Variants in SLCO3A1 observed in about 807,000 individuals in gnomAD.
SLCO3A1 encodes the protein PGE1 transporter.
A neutral mutation model predicts 63.1 loss-of-function variants in SLCO3A1; 27 were observed. The ratio of observed to expected loss-of-function variants is 0.43; its 90% CI spans 0.32 to 0.59. The LOEUF is 0.59. Ranked by LOEUF, SLCO3A1 falls within the 20% of genes least tolerant of loss-of-function variation. The probability of loss-of-function intolerance (pLI) is 0.09; values close to 1 mark genes in which losing one functional copy is unlikely to be tolerated. For missense variants in SLCO3A1, 773 were observed against 945.8 expected (o/e 0.82, Z 2.40); for synonymous variants, 473 against 409.9 (o/e 1.15, Z -1.86).
At chr15:91,889,069 T>A in intron 1 of SLCO3A1, 4 of 762,594 alleles carry the variant, frequency 5.2e-6, no homozygotes, top group South Asian at 2.3e-5. Flanking sequence ...CTAGCTAACA[T>A]ATAGCTAACA....
At chr15:91,899,285 A>T (rs1898091172) in intron 1 of SLCO3A1, among the ~76,000 whole-genome samples, 1 of 152,100 alleles carries the variant, frequency 6.6e-6, no homozygotes, top group Admixed American at 6.5e-5. Flanking sequence ...GGATGGGGCT[A>T]TTTTGCAGGC....
rs2048470144 is a variant in SLCO3A1 at position 92,163,797 on chromosome 15, T to C, written c.*662T>C. Reference sequence around the variant, plus strand: ...GCTAATGGGTGATCCGTGCTGGAGTTTGTAATTGGCACCTCTCACCAGCTC... The same window carrying C: ...GCTAATGGGTGATCCGTGCTGGAGTCTGTAATTGGCACCTCTCACCAGCTC... On this transcript the variant is annotated 3_prime_UTR_variant, in exon 10 of 10. Transcript: ENST00000318445. 3 of 985,294 alleles carry C rather than the reference T, an allele frequency of 3.0e-6. No homozygotes were observed. Among genetic ancestry groups the C allele is most frequent in the South Asian group, 4.7e-5 (1 of 21,284 alleles). The allele number at this position is 985,294 out of a possible 1,614,324, so 61.0% of individuals were successfully genotyped here. A position where few individuals can be genotyped will look rare whatever the true frequency, so the allele number is the denominator to read the frequency against.
Position 91,926,596 on chromosome 15 carries a change from T to TGTGTGTGTGTGTGTGTGCGC in SLCO3A1, c.646+10139_646+10140insTGTGTGTGTGTGTGTGCGCG. On this transcript the variant is annotated intron_variant, in intron 2 of 9. Transcript: ENST00000318445. ...GTGTGTGTGTGTGTGTGTGTGTGTG[T>TGTGTGTGTGTGTGTGTGCGC]GCGCGCGCGCACGCCCATGCTTATT... 3.4e-3 allele frequency among the ~76,000 whole-genome samples: 360 copies of TGTGTGTGTGTGTGTGTGCGC among 105,270 alleles called. 4 individuals are homozygous for TGTGTGTGTGTGTGTGTGCGC. The highest frequency in any genetic ancestry group is 0.011 in the African/African-American group (309 of 27,362). 69.1% of individuals were successfully genotyped at this position (105,270 alleles called of 152,430 possible).
Position 91,916,256 on chromosome 15 carries a change from C to G in SLCO3A1, c.444C>G (p.Asp148Glu), listed in dbSNP as rs765930229. The change falls in exon 2 of 10, where the codon GAC becomes GAG. Residue 148 changes from aspartate (D) to glutamate (E), a missense_variant. Asp to Glu is a conservative substitution (Grantham distance 45). Coordinates refer to ENST00000318445, the MANE Select transcript of SLCO3A1 (RefSeq NM_013272.4). This position sits in a 1 kb window ranked among gnomAD's most constrained non-coding sequence, Gnocchi z 6.2. Reference protein sequence around the residue: ...GEIRWGAEGRDVCAANGSGGD... With the variant: ...GEIRWGAEGREVCAANGSGGD... The stretch of plus-strand genomic sequence containing the variant: ...TCCGCTGGGGCGCCGAGGGCCGCGA[C>G]GTCTGCGCAGCCAACGGCTCGGGCG... 2.1e-4 allele frequency: 335 copies of G among 1,567,686 alleles called. No individual in the cohort carries two copies. Among genetic ancestry groups the G allele is most frequent in the Middle Eastern group, 1.8e-3 (11 of 6,028 alleles).
In SLCO3A1 at chr15:91,857,884, C is replaced by T. The variant is rs144498589; in HGVS notation, c.180+3796C>T. ...ACTGAAAAAAGGCCAGTCTAGTTTC[C>T]TGGGTGGGGCACAAAGGGAGTTCCT... On this transcript the variant is annotated intron_variant, in intron 1 of 9. Transcript: ENST00000318445. 4.6e-3 allele frequency among the ~76,000 whole-genome samples: 700 copies of T among 152,252 alleles called. 1 individual carries two copies. Among genetic ancestry groups the T allele is most frequent in the Non-Finnish European group, 7.6e-3 (520 of 67,998 alleles).
rs1597142118 is a variant in SLCO3A1, at chr15:91,942,477, C to T, written c.646+26019C>T. On this transcript the variant is annotated intron_variant, in intron 2 of 9. Coordinates refer to ENST00000318445, the MANE Select transcript of SLCO3A1 (RefSeq NM_013272.4). This position sits in a 1 kb window ranked among gnomAD's most constrained non-coding sequence, Gnocchi z 4.1. ...TGTAGAGACCGTAGTTGGATGTGGC[C>T]TGGAGTTGTGTGTCAGTGGCCATCC... Among the ~76,000 whole-genome samples, 1 of 152,176 alleles carries T rather than the reference C, an allele frequency of 6.6e-6. No individual in the cohort carries two copies. Among genetic ancestry groups the T allele is most frequent in the East Asian group, 1.9e-4 (1 of 5,194 alleles).
rs189123556 is a variant in SLCO3A1, at chr15:91,950,567, C to T, written c.646+34109C>T. 3.2e-3 allele frequency among the ~76,000 whole-genome samples: 493 copies of T among 152,350 alleles called. 1 individual carries two copies. Among genetic ancestry groups the T allele is most frequent in the African/African-American group, 0.011 (477 of 41,576 alleles). ...TTGCTGCAGGCTCCATAATGTCATC[C>T]GGTCTTTCTAGCCTCCTAAGAATGA... On this transcript the variant is annotated intron_variant, in intron 2 of 9. Transcript: ENST00000318445. This position sits in a 1 kb window ranked among gnomAD's most constrained non-coding sequence, Gnocchi z 4.4.
intron 5 of SLCO3A1, among the ~76,000 whole-genome samples, chr15:92,122,664 G>C (rs2047877060): frequency 1.3e-5 from 2 of 152,232 alleles, no homozygotes. Flanking sequence ...CTGTCCAACA[G>C]AAATAAGTGT....
intron 2 of SLCO3A1, among the ~76,000 whole-genome samples, chr15:91,986,598 A>G (rs1331187528): frequency 2.0e-5 from 3 of 152,156 alleles, no homozygotes; most frequent in African/African-American, 7.2e-5. Flanking sequence ...TTTAAAAAAA[A>G]AAAAAAACTA....
intron 7 of SLCO3A1, among the ~76,000 whole-genome samples, chr15:92,135,613 C>T (rs957279569): frequency 6.6e-6 from 1 of 152,144 alleles, no homozygotes; most frequent in African/African-American, 2.4e-5. Context: ...TGCTAAGCTA[C>T]AAAAAGACAG....
At position 91,863,922 on chromosome 15, in the gene SLCO3A1, A is replaced by G. The variant is rs570085228; in HGVS notation, c.180+9834A>G. 1.6e-4 allele frequency among the ~76,000 whole-genome samples: 25 copies of G among 152,350 alleles called. 1 individual carries two copies. The highest frequency in any genetic ancestry group is 3.4e-3 in the Middle Eastern group (1 of 294). ...AGGATATCTTTTGGAAACAAAAACC[A>G]TAAATTAGCACCATTCCTTTACCTT... On this transcript the variant is annotated intron_variant, in intron 1 of 9. Coordinates refer to ENST00000318445, the MANE Select transcript of SLCO3A1 (RefSeq NM_013272.4). The surrounding 1 kb of genome is among the most constrained non-coding windows in gnomAD (Gnocchi z 4.3).
intron 2 of SLCO3A1, among the ~76,000 whole-genome samples, chr15:92,015,703 G>A (rs1330835423): frequency 6.6e-6 from 1 of 152,110 alleles, no homozygotes; most frequent in Non-Finnish European, 1.5e-5. Context: ...GGTGTGAACA[G>A]GCTGCTAAGG....
chr15:92,058,133 C>T (rs908652), intron 2 of SLCO3A1, among the ~76,000 whole-genome samples: 64,125 of 151,858 alleles, frequency 0.42, 15,544 homozygotes, highest in Admixed American at 0.6. Flanking sequence ...TCTAATGCTG[C>T]GCTAGGTTCC....
At chr15:91,946,049 C>A (rs552145790) in intron 2 of SLCO3A1, among the ~76,000 whole-genome samples, 2 of 152,182 alleles carry the variant, frequency 1.3e-5, no homozygotes, top group African/African-American at 4.8e-5. Context: ...TTGGTGATAG[C>A]GAAGTAAAAG....
At chr15:92,155,795 G>A (rs1444025660) in intron 9 of SLCO3A1, among the ~76,000 whole-genome samples, 1 of 152,184 alleles carries the variant, frequency 6.6e-6, no homozygotes, top group South Asian at 2.1e-4. Flanking sequence ...TGAGGCTGAG[G>A]TTTGGAGCCC....
intron 2 of SLCO3A1, among the ~76,000 whole-genome samples, chr15:91,957,843 C>T (rs1231972290): frequency 6.6e-6 from 1 of 152,106 alleles, no homozygotes; most frequent in Non-Finnish European, 1.5e-5. Flanking sequence ...ATGTAAGCAT[C>T]ATAAAGACGA....
At chr15:92,030,135 C>T (rs572363956) in intron 2 of SLCO3A1, among the ~76,000 whole-genome samples, 7 of 152,340 alleles carry the variant, frequency 4.6e-5, no homozygotes, top group South Asian at 4.1e-4. Context: ...AAATTGAATG[C>T]GATCCTCCTG....
Position 92,163,961 on chromosome 15 carries a change from C to T in SLCO3A1, c.*826C>T, listed in dbSNP as rs148122860. The T allele has an allele frequency of 5.0e-4, 496 of 985,416 alleles. 2 individuals carry two copies. In the African/African-American group the frequency reaches 8.2e-3, roughly 16 times the overall value. The allele number at this position is 985,416 out of a possible 1,614,324, so 61.0% of individuals were successfully genotyped here. ...AGGCCTCGCCTGGCTATGACTGACC[C>T]GGCTCAGAGCTGGTGAGACCCAACG... On this transcript the variant is annotated 3_prime_UTR_variant, in exon 10 of 10. Coordinates refer to ENST00000318445, the MANE Select transcript of SLCO3A1 (RefSeq NM_013272.4).
At chr15:92,157,436 G>A (rs953808428) in intron 9 of SLCO3A1, among the ~76,000 whole-genome samples, 11 of 150,680 alleles carry the variant, frequency 7.3e-5, no homozygotes, top group Non-Finnish European at 4.4e-5. Flanking sequence ...CCCCCCCCTT[G>A]TCCTCCCTTC....
Sources: gnomAD v4.1 joint callset for allele counts (sites outside exome capture counted in the v4.1 genomes callset) on GRCh38, gnomAD v4.1.1 for gene constraint, Gnocchi (gnomAD v3.1) non-coding constraint, MANE v1.5 for transcripts, NCBI Gene and HGNC (gene_info 2026-07-23, HGNC 2026-07-21) for gene names.